Variants in KDM2A observed in about 807,000 individuals in gnomAD.
The protein encoded by KDM2A is lysine-specific demethylase 2A.
A neutral mutation model predicts 137.3 loss-of-function variants in KDM2A; 3 were observed. That is an observed-to-expected ratio of 0.02 (90% CI 0.01 to 0.06). The LOEUF (loss-of-function observed/expected upper bound fraction) is 0.06, where lower values mean the gene tolerates loss of function less well. KDM2A is among the 10% of genes least tolerant of loss of function. The probability of loss-of-function intolerance (pLI) is 1.00; values close to 1 mark genes in which losing one functional copy is unlikely to be tolerated. For missense variants in KDM2A, 738 were observed against 1,510.6 expected (o/e 0.49, Z 8.48); for synonymous variants, 512 against 541.5 (o/e 0.95, Z 0.76).
At chr11:67,248,181 C>T (rs900047480) in intron 15 of KDM2A, 100 bp from the exon 16 acceptor site, 5 of 858,848 alleles carry the variant, frequency 5.8e-6, no homozygotes, top group South Asian at 1.6e-5. Flanking sequence ...CTTTATGGAC[C>T]AATGTTGTTG....
At chr11:67,127,719 T>C (rs1351637344) in intron 2 of KDM2A, among the ~76,000 whole-genome samples, 1 of 152,018 alleles carries the variant, frequency 6.6e-6, no homozygotes, top group Non-Finnish European at 1.5e-5. Flanking sequence ...TTTATTTATT[T>C]ATTTTGAGAT....
chr11:67,252,492 TG>T, intron 17 of KDM2A: 1 of 599,776 alleles, frequency 1.7e-6, no homozygotes, highest in Non-Finnish European at 3.0e-6. Context: ...CATGTAGGTT[TG>T]CAAAGCGTCT....
chr11:67,182,392 TTAATC>T lies in KDM2A; in HGVS notation c.307+505_307+509del, dbSNP rs1441159386. 4.6e-5 allele frequency among the ~76,000 whole-genome samples: 7 copies of T among 152,290 alleles called. No individual in the cohort carries two copies. In the East Asian group the frequency reaches 1.2e-3, roughly 25 times the overall value. The stretch of plus-strand genomic sequence containing the variant: ...CAAAATTTGGGAAAAAGAAAGCAAA[TTAATC>T]TAATTAAAGAAGAAAATTCCTGATG... On this transcript the variant is annotated intron_variant, in intron 5 of 20. Transcript: ENST00000529006.
intron 5 of KDM2A, among the ~76,000 whole-genome samples, chr11:67,185,878 G>A (rs898960772): frequency 2.6e-5 from 4 of 151,492 alleles, no homozygotes; most frequent in African/African-American, 4.9e-5. Context: ...AGATGCTGGC[G>A]CCTTGATTTT....
chr11:67,160,207 T>C (rs1856604046), intron 2 of KDM2A, among the ~76,000 whole-genome samples: 1 of 152,140 alleles, frequency 6.6e-6, no homozygotes, highest in African/African-American at 2.4e-5. Context: ...GGCAGTGATG[T>C]TGTATTTTAG....
At chr11:67,222,192 C>T (rs1349576991) in intron 10 of KDM2A, among the ~76,000 whole-genome samples, 11 of 110,118 alleles carry the variant, frequency 1.0e-4, no homozygotes, top group Non-Finnish European at 1.8e-4. Flanking sequence ...ACAAAGGTCT[C>T]TGGTTTTCCT....
intron 5 of KDM2A, among the ~76,000 whole-genome samples, chr11:67,201,430 A>AG (rs1199458140): frequency 6.6e-6 from 1 of 151,896 alleles, no homozygotes; most frequent in Non-Finnish European, 1.5e-5. Flanking sequence ...CCTTGAGGCC[A>AG]GGAGTTTGAG....
intron 8 of KDM2A, among the ~76,000 whole-genome samples, chr11:67,216,296 C>T (rs781564422): frequency 1.3e-5 from 2 of 152,144 alleles, no homozygotes; most frequent in Admixed American, 6.6e-5. Context: ...GAAGGGAACA[C>T]GAATTTTGGA....
intron 9 of KDM2A, 111 bp from the exon 10 acceptor site, chr11:67,219,177 G>A (rs1413040990): frequency 2.2e-6 from 1 of 458,978 alleles, no homozygotes; most frequent in East Asian, 3.5e-5. Context: ...AAACCACTAA[G>A]AAGCAGAATC....
chr11:67,123,987 T>C (rs1219123547), intron 2 of KDM2A, among the ~76,000 whole-genome samples: 1 of 151,672 alleles, frequency 6.6e-6, no homozygotes, highest in Non-Finnish European at 1.5e-5. Context: ...TTTTGGGTTT[T>C]GTTGTTGTTG....
chr11:67,217,240 CAAAAAAAA>C (rs544615414), intron 8 of KDM2A, among the ~76,000 whole-genome samples: 70 of 50,522 alleles, frequency 1.4e-3, no homozygotes, highest in African/African-American at 5.1e-3. Flanking sequence ...GAAACTCTGT[CAAAAAAAA>C]AAAAAAAAAA....
intron 6 of KDM2A, among the ~76,000 whole-genome samples, chr11:67,210,249 C>T (rs952981302): frequency 2.0e-5 from 3 of 151,102 alleles, no homozygotes; most frequent in South Asian, 4.2e-4. Flanking sequence ...GTAGTCCCAG[C>T]TACTCAGGGG....
intron 5 of KDM2A, among the ~76,000 whole-genome samples, chr11:67,189,851 A>G (rs764988430): frequency 6.6e-6 from 1 of 152,124 alleles, no homozygotes; most frequent in Non-Finnish European, 1.5e-5. Flanking sequence ...AAAACAAACA[A>G]ACACCAGTCT....
chr11:67,171,239 A>G (rs1226419788), intron 2 of KDM2A, among the ~76,000 whole-genome samples: 1 of 152,198 alleles, frequency 6.6e-6, no homozygotes, highest in Non-Finnish European at 1.5e-5. Context: ...TAAGAGAGCT[A>G]CTTGCCAACC....
At chr11:67,224,327 A>G (rs894203775) in intron 10 of KDM2A, among the ~76,000 whole-genome samples, 1 of 152,166 alleles carries the variant, frequency 6.6e-6, no homozygotes, top group South Asian at 2.1e-4. Flanking sequence ...CTGTATGGCC[A>G]GATATGGTGG....
intron 4 of KDM2A, 81 bp from the exon 5 acceptor site, chr11:67,181,765 C>A: frequency 1.8e-6 from 2 of 1,128,206 alleles, no homozygotes; most frequent in Non-Finnish European, 2.7e-6. Flanking sequence ...CTGGGGAGTA[C>A]TCAGTACTTT....
intron 5 of KDM2A, among the ~76,000 whole-genome samples, chr11:67,190,065 T>C (rs989825998): frequency 1.2e-4 from 18 of 152,056 alleles, no homozygotes; most frequent in African/African-American, 3.9e-4. Context: ...TGACAAAGCT[T>C]TATTTAGCCA....
At chr11:67,175,897 T>C (rs1856965763) in intron 2 of KDM2A, among the ~76,000 whole-genome samples, 1 of 152,206 alleles carries the variant, frequency 6.6e-6, no homozygotes, top group South Asian at 2.1e-4. Context: ...TCATCTTTTC[T>C]AGTTCTTCAG....
intron 2 of KDM2A, among the ~76,000 whole-genome samples, chr11:67,154,598 AT>A (rs1466210893): frequency 2.7e-5 from 4 of 150,336 alleles, no homozygotes; most frequent in Non-Finnish European, 4.4e-5. Flanking sequence ...CACCTGGCTA[AT>A]TTTTTCTTTT....
Sources: allele counts gnomAD v4.1 joint callset (sites outside exome capture counted in the v4.1 genomes callset), GRCh38; gene constraint gnomAD v4.1.1; transcripts MANE v1.5; gene names NCBI Gene and HGNC (gene_info 2026-07-23, HGNC 2026-07-21).